The following TLL1 variants were observed in gnomAD, a reference collection of about 807,000 sequenced individuals.
The protein encoded by TLL1 is tolloid like 1.
A neutral mutation model predicts 128.2 loss-of-function variants in TLL1; 49 were observed. The observed-to-expected ratio is 0.38, with a 90% confidence interval of 0.30 to 0.48. The LOEUF (loss-of-function observed/expected upper bound fraction) is 0.48. TLL1 is among the 20% of genes least tolerant of loss of function. The probability of loss-of-function intolerance (pLI) is 0.96; values close to 1 mark genes in which losing one functional copy is unlikely to be tolerated. For synonymous variants in TLL1, 454 were observed against 418.8 expected (o/e 1.08, Z -1.03); for missense variants, 1,123 against 1,242.0 (o/e 0.90, Z 1.44).
At chr4:166,072,332 A>T (rs1400004200) in intron 16 of TLL1, among the ~76,000 whole-genome samples, 1 of 151,898 alleles carries the variant, frequency 6.6e-6, no homozygotes, top group Non-Finnish European at 1.5e-5. Context: ...CTATATAAAT[A>T]ATAATAATAA....
chr4:165,873,788 C>A lies in TLL1; in HGVS notation c.-117C>A. The A allele has an allele frequency of 8.2e-7, 1 of 1,217,528 alleles. No homozygotes were observed. The allele number at this position is 1,217,528 out of a possible 1,614,324, so 75.4% of individuals were successfully genotyped here. On this transcript the variant is annotated 5_prime_UTR_variant, in exon 1 of 21. Coordinates refer to ENST00000061240, the MANE Select transcript of TLL1 (RefSeq NM_012464.5). Reference sequence around the variant, plus strand: ...CGGACACCTGAGCACCCCGGTCCCGCCGAGGAGCCTCCGGGTGGGGAGAAG... The same window carrying A: ...CGGACACCTGAGCACCCCGGTCCCGACGAGGAGCCTCCGGGTGGGGAGAAG...
chr4:165,966,051 C>A (rs376227608), intron 1 of TLL1, among the ~76,000 whole-genome samples: 13 of 151,532 alleles, frequency 8.6e-5, no homozygotes, highest in Non-Finnish European at 1.9e-4. Context: ...TGGTGGTGGG[C>A]GCCTGTAATC....
chr4:166,019,052 T>C (rs1017513292), intron 8 of TLL1, among the ~76,000 whole-genome samples: 2 of 152,164 alleles, frequency 1.3e-5, no homozygotes, highest in Non-Finnish European at 2.9e-5. Flanking sequence ...ATGGAATCAA[T>C]CTAGGTGTCC....
intron 2 of TLL1, among the ~76,000 whole-genome samples, chr4:165,991,935 A>G (rs2111014037): frequency 1.3e-5 from 2 of 152,068 alleles, no homozygotes; most frequent in East Asian, 3.9e-4. Context: ...ATAAAAATTC[A>G]AGGAGAATAG....
intron 8 of TLL1, among the ~76,000 whole-genome samples, chr4:166,023,015 T>C (rs1738313602): frequency 6.6e-6 from 1 of 152,254 alleles, no homozygotes; most frequent in Admixed American, 6.5e-5. Context: ...GTTTATATTA[T>C]CATGATAGCC....
chr4:165,880,666 G>T (rs1390176255), intron 1 of TLL1, among the ~76,000 whole-genome samples: 16 of 152,170 alleles, frequency 1.1e-4, no homozygotes. Flanking sequence ...TGTTACGGAG[G>T]TGGAGATAAA....
At chr4:166,074,437 G>C (rs1004635393) in intron 16 of TLL1, among the ~76,000 whole-genome samples, 4 of 151,656 alleles carry the variant, frequency 2.6e-5, no homozygotes, top group Non-Finnish European at 4.4e-5. Context: ...TTTAGCCTCT[G>C]TCTGTATACC....
intron 18 of TLL1, among the ~76,000 whole-genome samples, chr4:166,081,377 G>A (rs949067468): frequency 1.3e-5 from 2 of 152,118 alleles, no homozygotes; most frequent in Non-Finnish European, 2.9e-5. Flanking sequence ...TTTTCTCATG[G>A]CAGTGACCAC....
At position 165,992,804 on chromosome 4, in the gene TLL1, G is replaced by A; in HGVS notation, c.281G>A (p.Gly94Asp). ...AACTTGTTTCCTTTTATTCTTTAAG[G>A]TGGACTTGGAGACCATGCTATGTCA... ...NPFGNLGHTT[G>D]GLGDHAMSKK... The change falls in exon 3 of 21, where the codon GGT becomes GAT. Residue 94 changes from glycine (G) to aspartate (D), a missense_variant and splice_region_variant. Coordinates refer to ENST00000061240, the MANE Select transcript of TLL1 (RefSeq NM_012464.5). 6.2e-7 allele frequency: 1 copy of A among 1,612,932 alleles called. No homozygotes were observed. Among genetic ancestry groups the A allele is most frequent in the South Asian group, 1.1e-5 (1 of 91,068 alleles).
At chr4:165,937,393 C>A (rs1469428422) in intron 1 of TLL1, among the ~76,000 whole-genome samples, 1 of 152,188 alleles carries the variant, frequency 6.6e-6, no homozygotes, top group Non-Finnish European at 1.5e-5. Context: ...CCACATTTCA[C>A]ATACACATTC....
chr4:166,060,806 A>C (rs148710346), intron 15 of TLL1, among the ~76,000 whole-genome samples: 2,050 of 152,320 alleles, frequency 0.013, 27 homozygotes, highest in Middle Eastern at 0.051. Context: ...GCACACACAC[A>C]CATCAAATTC....
intron 18 of TLL1, among the ~76,000 whole-genome samples, chr4:166,079,458 A>AT (rs1267779866): frequency 4.6e-5 from 7 of 151,442 alleles, no homozygotes; most frequent in Non-Finnish European, 7.4e-5. Context: ...GAATGATTCC[A>AT]TTTTTTTTCT....
Position 166,102,449 on chromosome 4 carries a change from A to G in TLL1, c.*1573A>G, listed in dbSNP as rs1174843204. ...TTGAAAAGTTAAAATGTATGTGCCA[A>G]GTTCTACTAGAATTCCATTTGAAAT... On this transcript the variant is annotated 3_prime_UTR_variant, in exon 21 of 21. Coordinates refer to ENST00000061240, the MANE Select transcript of TLL1 (RefSeq NM_012464.5). The G allele has an allele frequency of 6.6e-6, 1 of 152,432 alleles. No individual in the cohort carries two copies. The highest frequency in any genetic ancestry group is 1.5e-5 in the Non-Finnish European group (1 of 67,930). 9.4% of individuals were successfully genotyped at this position (152,432 alleles called of 1,614,324 possible). A position where few individuals can be genotyped will look rare whatever the true frequency, so the allele number is the denominator to read the frequency against.
chr4:165,996,366 TA>T (rs1342451196), intron 5 of TLL1, among the ~76,000 whole-genome samples: 1 of 152,150 alleles, frequency 6.6e-6, no homozygotes, highest in Non-Finnish European at 1.5e-5. Flanking sequence ...CCCAGCACTT[TA>T]AGAGGCCGAG....
intron 7 of TLL1, among the ~76,000 whole-genome samples, chr4:166,009,692 T>A (rs1370090887): frequency 6.6e-6 from 1 of 151,512 alleles, no homozygotes; most frequent in Non-Finnish European, 1.5e-5. Context: ...TCACGTTATT[T>A]TATTTTTTAA....
chr4:166,014,465 C>A lies in TLL1; in HGVS notation c.947C>A (p.Ser316Tyr). The A allele has an allele frequency of 6.2e-7, 1 of 1,612,234 alleles. No individual in the cohort carries two copies. Among genetic ancestry groups the A allele is most frequent in the Non-Finnish European group, 8.5e-7 (1 of 1,178,708 alleles). ...ATGTTTCTGGATACCATTCTCCCCT[C>A]CCGTGATGATAATGGCATACGTCCT... ...RGMFLDTILPSRDDNGIRPAI... is the reference protein window; with the variant it reads ...RGMFLDTILPYRDDNGIRPAI... The change falls in exon 8 of 21, where the codon TCC becomes TAC. Residue 316 changes from serine (S) to tyrosine (Y), a missense_variant. Ser to Tyr is a moderately radical substitution (Grantham distance 144). This residue lies in a region of TLL1 where 480 missense variants were observed against 542.4 expected (regional missense o/e 0.89). Transcript: ENST00000061240.
chr4:166,043,369 A>C lies in TLL1; in HGVS notation c.1474A>C (p.Ile492Leu). 6.2e-7 allele frequency: 1 copy of C among 1,614,162 alleles called. No homozygotes were observed. The highest frequency in any genetic ancestry group is 1.1e-5 in the South Asian group (1 of 91,092). Residue 492 changes from isoleucine (I) to leucine (L), a missense_variant, in exon 12 of 21, where the codon ATA (isoleucine) becomes CTA (leucine). Physicochemically the swap from Ile to Leu is conservative, Grantham distance 5 (BLOSUM62 2). Transcript: ENST00000061240. ...CCCGATGAAAGAATGTGTGTGGAAA[A>C]TAACAGTGTCTGAGAGCTACCACGT... ...YRPMKECVWKITVSESYHVGL... is the reference protein window; with the variant it reads ...YRPMKECVWKLTVSESYHVGL...
intron 1 of TLL1, among the ~76,000 whole-genome samples, chr4:165,892,102 C>T (rs917991804): frequency 2.0e-5 from 3 of 152,200 alleles, no homozygotes; most frequent in African/African-American, 4.8e-5. Context: ...CAGAGTGAAG[C>T]AGGGGGAAAA....
chr4:166,076,538 C>T (rs886497733), intron 17 of TLL1, among the ~76,000 whole-genome samples: 4 of 152,134 alleles, frequency 2.6e-5, no homozygotes, highest in Admixed American at 1.3e-4. Context: ...AACATCCAGA[C>T]GCACTTTCAT....
Sources: allele counts gnomAD v4.1 joint callset (sites outside exome capture counted in the v4.1 genomes callset), GRCh38; gene constraint gnomAD v4.1.1; regional missense constraint gnomAD v4.1.1; transcripts MANE v1.5; gene names NCBI Gene and HGNC (gene_info 2026-07-23, HGNC 2026-07-21).